REEP3: variants seen among roughly 807,000 people sequenced by gnomAD.
REEP3 encodes receptor expression-enhancing protein 3.
Under a neutral mutation model 41.3 loss-of-function variants are expected in REEP3, and 20 were observed. The observed-to-expected ratio is 0.48, with a 90% CI of 0.34 to 0.70. REEP3 has a LOEUF of 0.70. REEP3 is among the 30% of genes least tolerant of loss of function. REEP3 has a pLI of 0.01. For missense variants in REEP3, 271 were observed against 308.8 expected (o/e 0.88, Z 0.92); for synonymous variants, 104 against 101.8 (o/e 1.02, Z -0.13).
rs547778745 is a variant in REEP3 at position 63,554,058 on chromosome 10, C to T, written c.33-12280C>T. On this transcript the variant is annotated intron_variant, in intron 1 of 7. Transcript: ENST00000373758. ...CAGAGCTTGCAGTGAGTGGAGATCG[C>T]ACCACTGCCCTCCAGCCTGGGTGAC... Among the ~76,000 whole-genome samples the T allele has an allele frequency of 8.6e-5, 13 of 150,838 alleles. No homozygotes were observed. The South Asian group carries it at 2.5e-3, about 29-fold the overall frequency.
At chr10:63,597,365 A>G (rs1005441569) in intron 3 of REEP3, among the ~76,000 whole-genome samples, 3 of 152,236 alleles carry the variant, frequency 2.0e-5, no homozygotes, top group Non-Finnish European at 2.9e-5. Flanking sequence ...CATATGAGAT[A>G]GGTCATGTAC....
At chr10:63,565,886 C>G (rs1458150910) in intron 1 of REEP3, among the ~76,000 whole-genome samples, 1 of 137,036 alleles carries the variant, frequency 7.3e-6, no homozygotes, top group East Asian at 2.0e-4. Flanking sequence ...TTTAAATCAT[C>G]TTTTTTTTTT....
chr10:63,581,964 G>A (rs1297448130), intron 2 of REEP3, among the ~76,000 whole-genome samples: 1 of 151,110 alleles, frequency 6.6e-6, no homozygotes, highest in African/African-American at 2.4e-5. Context: ...TGTTTACACT[G>A]AACAGATTAT....
chr10:63,538,187 T>C (rs1178322428), intron 1 of REEP3, among the ~76,000 whole-genome samples: 1 of 152,210 alleles, frequency 6.6e-6, no homozygotes. Flanking sequence ...TTTCATGATA[T>C]TTCTTGCCTA....
intron 5 of REEP3, among the ~76,000 whole-genome samples, chr10:63,607,046 A>G (rs1229676734): frequency 6.6e-6 from 1 of 152,206 alleles, no homozygotes. Flanking sequence ...AGATGTAAAA[A>G]CTGGAAGGAA....
intron 1 of REEP3, among the ~76,000 whole-genome samples, chr10:63,557,159 A>G (rs1176779887): frequency 6.6e-6 from 1 of 152,062 alleles, no homozygotes; most frequent in African/African-American, 2.4e-5. Flanking sequence ...ACAATTTGCT[A>G]ATTTCTGTGA....
At position 63,604,522 on chromosome 10, in the gene REEP3, C is replaced by G. The variant is rs553482621; in HGVS notation, c.417+5239C>G. ...AGTTACCACAGACTTTTGAGCTTTA[C>G]AGGTAAAATTGTTGAAATCTAATTA... On this transcript the variant is annotated intron_variant, in intron 5 of 7. Transcript: ENST00000373758. Among the ~76,000 whole-genome samples, 38 of 152,220 alleles carry G rather than the reference C, an allele frequency of 2.5e-4. 1 individual carries two copies. The South Asian group carries it at 7.7e-3, about 31-fold the overall frequency.
intron 1 of REEP3, among the ~76,000 whole-genome samples, chr10:63,522,240 C>G (rs530073055): frequency 1.8e-4 from 28 of 151,360 alleles, no homozygotes; most frequent in African/African-American, 2.9e-4. Context: ...GGCTGCTCGC[C>G]CAGATCCCCG....
intron 2 of REEP3, among the ~76,000 whole-genome samples, chr10:63,590,842 C>T (rs1029975632): frequency 2.0e-5 from 3 of 152,144 alleles, no homozygotes; most frequent in Non-Finnish European, 4.4e-5. Flanking sequence ...TTCTCACTTC[C>T]CCGATAATAT....
intron 5 of REEP3, among the ~76,000 whole-genome samples, chr10:63,604,394 T>C (rs1298078739): frequency 6.6e-6 from 1 of 152,222 alleles, no homozygotes; most frequent in Non-Finnish European, 1.5e-5. Flanking sequence ...TACTGCCAGA[T>C]GAAGGACAGA....
intron 1 of REEP3, among the ~76,000 whole-genome samples, chr10:63,525,670 C>T (rs1038562632): frequency 3.3e-5 from 5 of 152,166 alleles, no homozygotes; most frequent in Non-Finnish European, 7.4e-5. Flanking sequence ...CCTCCCACCT[C>T]AGCCTCCCAA....
chr10:63,589,328 T>C (rs1486036208), intron 2 of REEP3, among the ~76,000 whole-genome samples: 1 of 152,150 alleles, frequency 6.6e-6, no homozygotes, highest in African/African-American at 2.4e-5. Context: ...TATTTTCCCC[T>C]CCAGTGGAGC....
intron 7 of REEP3, among the ~76,000 whole-genome samples, chr10:63,620,236 AG>A (rs1956343553): frequency 6.6e-6 from 1 of 152,182 alleles, no homozygotes; most frequent in African/African-American, 2.4e-5. Context: ...CCTGGCCAGC[AG>A]TTTATATTTA....
At chr10:63,586,321 C>A (rs1172260061) in intron 2 of REEP3, among the ~76,000 whole-genome samples, 1 of 152,138 alleles carries the variant, frequency 6.6e-6, no homozygotes, top group African/African-American at 2.4e-5. Context: ...CTGATCCATG[C>A]ACTATATAAA....
At chr10:63,556,859 T>C (rs1256691937) in intron 1 of REEP3, among the ~76,000 whole-genome samples, 3 of 150,358 alleles carry the variant, frequency 2.0e-5, no homozygotes, top group Non-Finnish European at 4.4e-5. Flanking sequence ...ATGGTCTCGA[T>C]CTCCTGACCT....
At chr10:63,556,633 T>TTTTA (rs1955687281) in intron 1 of REEP3, among the ~76,000 whole-genome samples, 1 of 39,682 alleles carries the variant, frequency 2.5e-5, no homozygotes, top group Non-Finnish European at 5.7e-5. Flanking sequence ...TTTGTTGTTT[T>TTTTA]GTTTTTTTTT....
rs1956371021 is a variant in REEP3 at position 63,623,564 on chromosome 10, A to G, written c.*2695A>G. The G allele has an allele frequency of 6.6e-6, 1 of 152,404 alleles. No homozygotes were observed. Among genetic ancestry groups the G allele is most frequent in the Non-Finnish European group, 1.5e-5 (1 of 68,186 alleles). The allele number at this position is 152,404 out of a possible 1,614,324, so 9.4% of individuals were successfully genotyped here. ...TGGTATTTTATTTTGCTGTACATTT[A>G]CTCAACTTGTCCATTAGTATTTAAC... is the stretch of plus-strand genomic sequence containing the variant. On this transcript the variant is annotated 3_prime_UTR_variant, in exon 8 of 8. Transcript: ENST00000373758.
At chr10:63,577,340 A>G (rs1233247196) in intron 2 of REEP3, among the ~76,000 whole-genome samples, 1 of 152,170 alleles carries the variant, frequency 6.6e-6, no homozygotes, top group Non-Finnish European at 1.5e-5. Context: ...AGGGACATTG[A>G]CAGGCTTCTG....
At chr10:63,523,044 G>A (rs1159446056) in intron 1 of REEP3, among the ~76,000 whole-genome samples, 1 of 148,672 alleles carries the variant, frequency 6.7e-6, no homozygotes. Context: ...AAAGCCTCTG[G>A]ATTTCTTTGA....
Sources: gnomAD v4.1 joint callset for allele counts (sites outside exome capture counted in the v4.1 genomes callset) on GRCh38, gnomAD v4.1.1 for gene constraint, MANE v1.5 for transcripts, NCBI Gene and HGNC (gene_info 2026-07-23, HGNC 2026-07-21) for gene names.